The following CDH13 variants were observed in gnomAD, a reference collection of about 807,000 sequenced individuals.
CDH13 encodes the protein cadherin 13.
In CDH13, 24 loss-of-function variants were observed where a neutral mutation model predicts 63.8. The ratio of observed to expected loss-of-function variants is 0.38; its 90% CI spans 0.27 to 0.53. The LOEUF (loss-of-function observed/expected upper bound fraction) is 0.53, where lower values mean the gene tolerates loss of function less well. CDH13 is among the 20% of genes least tolerant of loss of function. CDH13 has a pLI of 0.85. For synonymous variants in CDH13, 503 were observed against 355.3 expected (o/e 1.42, Z -4.67); for missense variants, 1,049 against 903.1 (o/e 1.16, Z -2.07).
intron 6 of CDH13, among the ~76,000 whole-genome samples, chr16:83,418,758 G>C (rs1056091602): frequency 1.3e-5 from 2 of 152,158 alleles, no homozygotes; most frequent in Non-Finnish European, 2.9e-5. Context: ...GCTCTTTTAA[G>C]TGTGACCACC....
intron 3 of CDH13, among the ~76,000 whole-genome samples, chr16:83,090,525 G>A (rs149446383): frequency 0.017 from 2,576 of 147,988 alleles, 75 homozygotes; most frequent in African/African-American, 0.06. Flanking sequence ...AGTGAGTCGA[G>A]ATCGCGTCAT....
intron 2 of CDH13, among the ~76,000 whole-genome samples, chr16:82,925,133 G>A (rs1261244940): frequency 1.3e-5 from 2 of 152,084 alleles, no homozygotes; most frequent in African/African-American, 2.4e-5. Context: ...GAGGGGAAGG[G>A]CAGAGCCAAC....
intron 1 of CDH13, among the ~76,000 whole-genome samples, chr16:82,786,274 T>C (rs2035997264): frequency 6.6e-6 from 1 of 152,136 alleles, no homozygotes; most frequent in African/African-American, 2.4e-5. Flanking sequence ...AGTTAAGGTT[T>C]GATTTTTTTT....
intron 6 of CDH13, among the ~76,000 whole-genome samples, chr16:83,459,219 T>C (rs1169369649): frequency 6.6e-6 from 1 of 152,244 alleles, no homozygotes; most frequent in Non-Finnish European, 1.5e-5. Context: ...TCCAGAAATA[T>C]TTTGTTAGCA....
chr16:83,589,418 C>T (rs1197741783), intron 7 of CDH13, among the ~76,000 whole-genome samples: 1 of 150,944 alleles, frequency 6.6e-6, no homozygotes, highest in East Asian at 2.0e-4. Flanking sequence ...TCTACTCCCG[C>T]TGACACTGAT....
intron 6 of CDH13, among the ~76,000 whole-genome samples, chr16:83,465,508 T>C (rs945360587): frequency 6.6e-6 from 1 of 152,190 alleles, no homozygotes; most frequent in African/African-American, 2.4e-5. Context: ...GCCGGTTTTA[T>C]TAAGATGGAA....
At chr16:83,522,658 G>A (rs1409263345) in intron 7 of CDH13, among the ~76,000 whole-genome samples, 1 of 152,178 alleles carries the variant, frequency 6.6e-6, no homozygotes, top group East Asian at 1.9e-4. Context: ...AACACCTGCA[G>A]CGTCATTTCT....
In CDH13 at chr16:83,486,832, A is replaced by G. The variant is rs76201182; in HGVS notation, c.960+177A>G. Among the ~76,000 whole-genome samples the G allele has an allele frequency of 1.5e-3, 231 of 152,296 alleles. 3 individuals are homozygous for G. Among genetic ancestry groups the G allele is most frequent in the Admixed American group, 8.1e-3 (124 of 15,290 alleles). On this transcript the variant is annotated intron_variant, in intron 7 of 13. Coordinates refer to ENST00000567109, the MANE Select transcript of CDH13 (RefSeq NM_001257.5). The stretch of plus-strand genomic sequence containing the variant: ...GGGAAATGGGATATTATGTGACCCA[A>G]GAAAACACGTGCTCTAAAAGGCTAA...
At chr16:83,167,292 T>C (rs1422294837) in intron 4 of CDH13, among the ~76,000 whole-genome samples, 1 of 150,994 alleles carries the variant, frequency 6.6e-6, no homozygotes, top group Non-Finnish European at 1.5e-5. Flanking sequence ...AGGTCAGGAG[T>C]TTGAGACCAG....
At chr16:82,684,090 T>C (rs899244736) in intron 1 of CDH13, among the ~76,000 whole-genome samples, 3 of 152,238 alleles carry the variant, frequency 2.0e-5, no homozygotes, top group Non-Finnish European at 4.4e-5. Flanking sequence ...TGAATAGCCA[T>C]GATCAAAGTA....
intron 4 of CDH13, among the ~76,000 whole-genome samples, chr16:83,195,973 G>A (rs1476060095): frequency 1.3e-5 from 2 of 152,134 alleles, no homozygotes; most frequent in Admixed American, 1.3e-4. Context: ...AACTCAAAGT[G>A]GTCCAGGCCC....
chr16:82,982,237 C>T (rs191348753), intron 2 of CDH13, among the ~76,000 whole-genome samples: 11 of 152,124 alleles, frequency 7.2e-5, no homozygotes, highest in African/African-American at 2.6e-4. Context: ...AGAATTTCTT[C>T]TTATTTTATA....
At position 83,398,596 on chromosome 16, in the gene CDH13, C is replaced by G. The variant is rs78764815; in HGVS notation, c.781+53590C>G. Among the ~76,000 whole-genome samples, 67 of 151,548 alleles carry G rather than the reference C, an allele frequency of 4.4e-4. 2 individuals are homozygous for G. The highest frequency in any genetic ancestry group is 1.6e-3 in the African/African-American group (66 of 41,232). ...TCCAGGGATAAGGACATAGAGGTAT[C>G]TTTTAGGGAGCCACCATTCAATTCA... On this transcript the variant is annotated intron_variant, in intron 6 of 13. Transcript: ENST00000567109.
chr16:83,496,948 A>G (rs1356342114), intron 7 of CDH13, among the ~76,000 whole-genome samples: 1 of 152,230 alleles, frequency 6.6e-6, no homozygotes, highest in Non-Finnish European at 1.5e-5. Flanking sequence ...ATGCAAATCA[A>G]AACCACAATG....
rs147388260 is a variant in CDH13 at position 83,589,949 on chromosome 16, C to T, written c.961-12505C>T. 3.1e-4 allele frequency among the ~76,000 whole-genome samples: 43 copies of T among 140,006 alleles called. 1 individual carries two copies. Among genetic ancestry groups the T allele is most frequent in the African/African-American group, 1.1e-3 (42 of 38,282 alleles). The allele number at this position is 140,006 out of a possible 152,430, so 91.8% of individuals were successfully genotyped here. A position where few individuals can be genotyped will look rare whatever the true frequency, so the allele number is the denominator to read the frequency against. Reference sequence around the variant, plus strand: ...TTTCCTGGGGCTTAGGAGGTGGGGGCGGGAAATGTGCAGGGAGGGCAGAGG... The same window carrying T: ...TTTCCTGGGGCTTAGGAGGTGGGGGTGGGAAATGTGCAGGGAGGGCAGAGG... On this transcript the variant is annotated intron_variant, in intron 7 of 13. Transcript: ENST00000567109.
intron 2 of CDH13, chr16:82,953,591 T>C (rs893437847): frequency 1.3e-5 from 2 of 152,242 alleles, no homozygotes; most frequent in Non-Finnish European, 2.9e-5. Flanking sequence ...TGGTTGGCAG[T>C]TATATGTGCC....
intron 2 of CDH13, among the ~76,000 whole-genome samples, chr16:83,000,378 A>C (rs7500893): frequency 0.014 from 2,104 of 149,730 alleles, 38 homozygotes; most frequent in African/African-American, 0.049. Flanking sequence ...CCTCGCGAGT[A>C]GCTGGGATTA....
chr16:83,073,982 A>G (rs72796242), intron 3 of CDH13, among the ~76,000 whole-genome samples: 8,218 of 152,224 alleles, frequency 0.054, 296 homozygotes, highest in Non-Finnish European at 0.072. Flanking sequence ...TATCATTTCT[A>G]TGTGTTGAGA....
chr16:83,712,796 G>A (rs1010166941), intron 10 of CDH13, among the ~76,000 whole-genome samples: 2 of 152,162 alleles, frequency 1.3e-5, no homozygotes, highest in Admixed American at 1.3e-4. Flanking sequence ...CATCATATCT[G>A]CCATGTGCTG....
Sources: allele counts gnomAD v4.1 joint callset (sites outside exome capture counted in the v4.1 genomes callset), GRCh38; gene constraint gnomAD v4.1.1; transcripts MANE v1.5; gene names NCBI Gene and HGNC (gene_info 2026-07-23, HGNC 2026-07-21).